The following SGCG variants were observed in gnomAD, a reference collection of about 807,000 sequenced individuals.
SGCG encodes the protein sarcoglycan gamma.
A neutral mutation model predicts 29.3 loss-of-function variants in SGCG; 26 were observed. The observed-to-expected ratio is 0.89, with a 90% CI of 0.65 to 1.23. The LOEUF (loss-of-function observed/expected upper bound fraction) is 1.23. SGCG is among the 50% of genes most tolerant of loss of function. SGCG has a pLI of 0.00. For synonymous variants in SGCG, 145 were observed against 129.7 expected (o/e 1.12, Z -0.80); for missense variants, 353 against 356.0 (o/e 0.99, Z 0.07).
chr13:23,188,368 C>CAGTCTGG (rs1877081940), intron 1 of SGCG, among the ~76,000 whole-genome samples: 1 of 133,106 alleles, frequency 7.5e-6, no homozygotes, highest in South Asian at 2.4e-4. Flanking sequence ...CTCTGTCACC[C>CAGTCTGG]AGTCTGGAGT....
chr13:23,177,472 G>T (rs1355329456), upstream of SGCG, among the ~76,000 whole-genome samples: 1 of 150,354 alleles, frequency 6.7e-6, no homozygotes, highest in Admixed American at 6.6e-5. Context: ...ATGTATACAT[G>T]TATTGAAGTA....
the SGCG span, among the ~76,000 whole-genome samples, chr13:23,168,034 G>T: frequency 6.6e-6 from 1 of 152,058 alleles, no homozygotes; most frequent in African/African-American, 2.4e-5. Context: ...ACTGCGCCTC[G>T]CTCCCTTGCC....
chr13:23,287,899 C>T (rs967424303), intron 5 of SGCG, among the ~76,000 whole-genome samples: 4 of 152,038 alleles, frequency 2.6e-5, no homozygotes, highest in Admixed American at 6.6e-5. Context: ...AGAATACAGG[C>T]TCATGTCACC....
At chr13:23,310,700 G>A (rs1437645705) in intron 6 of SGCG, among the ~76,000 whole-genome samples, 1 of 148,566 alleles carries the variant, frequency 6.7e-6, no homozygotes, top group African/African-American at 2.5e-5. Context: ...TTCTTTTTTT[G>A]TTGGATTAAT....
intron 4 of SGCG, among the ~76,000 whole-genome samples, chr13:23,258,429 A>G (rs1880286237): frequency 6.6e-6 from 1 of 152,214 alleles, no homozygotes; most frequent in Non-Finnish European, 1.5e-5. Context: ...GTTGCTTATC[A>G]GCTTAAGAAG....
chr13:23,273,208 G>T, intron 4 of SGCG, among the ~76,000 whole-genome samples: 1 of 145,516 alleles, frequency 6.9e-6, no homozygotes. Context: ...TTTCTAAACA[G>T]AATTTTCGCT....
chr13:23,308,082 A>G (rs1046400093), intron 6 of SGCG, among the ~76,000 whole-genome samples: 3 of 152,242 alleles, frequency 2.0e-5, no homozygotes, highest in Non-Finnish European at 4.4e-5. Context: ...TTAATCATGA[A>G]TTTATAGACA....
rs574900965 is a variant in SGCG at position 23,257,433 on chromosome 13, G to A, written c.385+6716G>A. 1.7e-4 allele frequency among the ~76,000 whole-genome samples: 26 copies of A among 152,116 alleles called. No individual in the cohort carries two copies. In the South Asian group the frequency reaches 4.4e-3, roughly 26 times the overall value. On this transcript the variant is annotated intron_variant, in intron 4 of 7. Coordinates refer to ENST00000218867, the MANE Select transcript of SGCG (RefSeq NM_000231.3). ...CCATTCCCCCACCCCATGGACAGGGGTGGGCATTTAGTGCTGTAAATCAGA... is the reference window on the plus strand; with the variant it reads ...CCATTCCCCCACCCCATGGACAGGGATGGGCATTTAGTGCTGTAAATCAGA...
intron 1 of SGCG, among the ~76,000 whole-genome samples, chr13:23,191,698 T>C (rs1244495059): frequency 6.6e-6 from 1 of 152,178 alleles, no homozygotes; most frequent in African/African-American, 2.4e-5. Flanking sequence ...CCTCAGCTAG[T>C]AGATTTGAAA....
intron 6 of SGCG, among the ~76,000 whole-genome samples, chr13:23,315,503 A>T (rs1882772575): frequency 6.6e-6 from 1 of 152,086 alleles, no homozygotes; most frequent in Admixed American, 6.5e-5. Flanking sequence ...GTTCCCTATG[A>T]TCAGTTGAGA....
chr13:23,249,779 A>C (rs1879890342), intron 3 of SGCG, among the ~76,000 whole-genome samples: 1 of 152,226 alleles, frequency 6.6e-6, no homozygotes, highest in Non-Finnish European at 1.5e-5. Flanking sequence ...ACAAAAATTA[A>C]TGAACCAAAT....
rs1012678091 is a variant in SGCG at position 23,274,989 on chromosome 13, C to A, written c.386-4370C>A. Among the ~76,000 whole-genome samples, 6 of 151,572 alleles carry A rather than the reference C, an allele frequency of 4.0e-5. No individual in the cohort carries two copies. The South Asian group carries it at 6.3e-4, about 16-fold the overall frequency. ...ATGCCACAATTCATAATTCAGGCTA[C>A]CCTTTTATATTTAATAGGTTATACA... is the stretch of plus-strand genomic sequence containing the variant. On this transcript the variant is annotated intron_variant, in intron 4 of 7. Transcript: ENST00000218867.
chr13:23,215,406 C>G (rs1034785043), intron 2 of SGCG, among the ~76,000 whole-genome samples: 37 of 152,106 alleles, frequency 2.4e-4, no homozygotes, highest in South Asian at 6.3e-4. Context: ...TTTAGAAAAG[C>G]CTACTTTGAG....
At chr13:23,181,181 A>G (rs1386182403) in intron 1 of SGCG, 106 bp downstream of exon 1, 1 of 152,202 alleles carries the variant, frequency 6.6e-6, no homozygotes, top group Non-Finnish European at 1.5e-5. Context: ...GTGGCATAAT[A>G]ATAAATTTAA....
intron 3 of SGCG, chr13:23,245,679 C>T (rs1419193115): frequency 6.6e-6 from 1 of 152,222 alleles, no homozygotes; most frequent in Non-Finnish European, 1.5e-5. Flanking sequence ...TTTAAATTTT[C>T]TGGGTGATTA....
At chr13:23,310,149 C>A (rs1329274993) in intron 6 of SGCG, among the ~76,000 whole-genome samples, 1 of 131,992 alleles carries the variant, frequency 7.6e-6, no homozygotes, top group Admixed American at 9.1e-5. Flanking sequence ...TGCAGTGACA[C>A]GATCTCGGCT....
rs547183473 is a variant in SGCG at position 23,322,482 on chromosome 13, C to T, written c.702+1722C>T. On this transcript the variant is annotated intron_variant, in intron 7 of 7. Transcript: ENST00000218867. ...TGTGTTGCAAGGGATGGGCCAGGCG[C>T]TCCGATGTCCTTCACAGATGTGGAC... is the stretch of plus-strand genomic sequence containing the variant. Among the ~76,000 whole-genome samples, 6 of 152,310 alleles carry T rather than the reference C, an allele frequency of 3.9e-5. No individual in the cohort carries two copies. The East Asian group carries it at 5.8e-4, about 15-fold the overall frequency.
At chr13:23,209,899 T>C (rs1438752748) in intron 2 of SGCG, among the ~76,000 whole-genome samples, 2 of 152,208 alleles carry the variant, frequency 1.3e-5, no homozygotes, top group Non-Finnish European at 2.9e-5. Flanking sequence ...TACACAGAAA[T>C]AGAAAACTAG....
intron 2 of SGCG, among the ~76,000 whole-genome samples, chr13:23,224,989 C>T (rs1566007080): frequency 6.6e-6 from 1 of 152,094 alleles, no homozygotes. Context: ...GTAGCAGCAC[C>T]CACTACGAGC....
Sources: allele counts gnomAD v4.1 joint callset (sites outside exome capture counted in the v4.1 genomes callset), GRCh38; gene constraint gnomAD v4.1.1; transcripts MANE v1.5; gene names NCBI Gene and HGNC (gene_info 2026-07-23, HGNC 2026-07-21).